Variants in PPARGC1A observed in about 807,000 individuals in gnomAD.
The protein encoded by PPARGC1A is peroxisome proliferator-activated receptor gamma coactivator 1-alpha.
A neutral mutation model predicts 88.7 loss-of-function variants in PPARGC1A; 25 were observed. That is an observed-to-expected ratio of 0.28 (90% CI 0.21 to 0.39). The LOEUF (loss-of-function observed/expected upper bound fraction) is 0.39. Among genes scored for constraint, PPARGC1A ranks in the 10% least tolerant of loss-of-function variants. The pLI is 1.00. For missense variants in PPARGC1A, 880 were observed against 968.7 expected (o/e 0.91, Z 1.22); for synonymous variants, 363 against 355.6 (o/e 1.02, Z -0.24).
At chr4:24,276,236 T>A in the PPARGC1A span, among the ~76,000 whole-genome samples, 1 of 152,152 alleles carries the variant, frequency 6.6e-6, no homozygotes, top group African/African-American at 2.4e-5. Context: ...TCTCTTGAGG[T>A]AGAAGCCATG....
the PPARGC1A span, among the ~76,000 whole-genome samples, chr4:24,064,517 G>A: frequency 6.6e-6 from 1 of 152,126 alleles, no homozygotes; most frequent in Non-Finnish European, 1.5e-5. Context: ...GCAGGAGCCT[G>A]GGTTGGGAGA....
chr4:24,325,436 C>T, the PPARGC1A span, among the ~76,000 whole-genome samples: 1 of 152,188 alleles, frequency 6.6e-6, no homozygotes, highest in African/African-American at 2.4e-5. Context: ...ACGCCTGAAC[C>T]GCAGGGGCCA....
the PPARGC1A span, among the ~76,000 whole-genome samples, chr4:24,249,270 C>CT: frequency 2.6e-4 from 39 of 150,200 alleles, no homozygotes; most frequent in Admixed American, 6.0e-4. Flanking sequence ...TGCACTCCTA[C>CT]TTTTTTTTTT....
At chr4:23,827,447 T>C (rs58838865) in intron 5 of PPARGC1A, among the ~76,000 whole-genome samples, 110 of 151,928 alleles carry the variant, frequency 7.2e-4, no homozygotes, top group African/African-American at 2.3e-3. Context: ...AAAAGAGGTA[T>C]ATGTTTATAA....
the PPARGC1A span, among the ~76,000 whole-genome samples, chr4:24,455,301 C>G: frequency 3.9e-5 from 6 of 152,072 alleles, no homozygotes; most frequent in Non-Finnish European, 8.8e-5. Context: ...GGCAACATAG[C>G]AAGACTCTGT....
the PPARGC1A span, among the ~76,000 whole-genome samples, chr4:24,139,484 C>T: frequency 6.6e-6 from 1 of 152,054 alleles, no homozygotes; most frequent in Non-Finnish European, 1.5e-5. Flanking sequence ...ATGTAAAATA[C>T]TCAGAATGTT....
At position 23,875,462 on chromosome 4, in the gene PPARGC1A, G is replaced by A. The variant is rs539498300; in HGVS notation, c.234+9290C>T. On this transcript the variant is annotated intron_variant, in intron 2 of 12. Coordinates refer to ENST00000264867, the MANE Select transcript of PPARGC1A (RefSeq NM_013261.5). The stretch of plus-strand genomic sequence containing the variant: ...TATCTCTTTCTACTTTTCCTGTTGG[G>A]CTAAAGTGAAGGTGTTGTCGGTCTG... 1.3e-4 allele frequency among the ~76,000 whole-genome samples: 20 copies of A among 151,624 alleles called. 1 individual carries two copies. The highest frequency in any genetic ancestry group is 4.8e-4 in the African/African-American group (20 of 41,276).
At chr4:24,261,958 T>C in the PPARGC1A span, among the ~76,000 whole-genome samples, 1 of 152,240 alleles carries the variant, frequency 6.6e-6, no homozygotes, top group Non-Finnish European at 1.5e-5. Context: ...AAAGATTTTA[T>C]ACAACATAAT....
the PPARGC1A span, among the ~76,000 whole-genome samples, chr4:24,254,133 C>T: frequency 6.6e-6 from 1 of 152,166 alleles, no homozygotes; most frequent in African/African-American, 2.4e-5. Flanking sequence ...AAACTTTTCC[C>T]TGGATTGCCT....
chr4:23,962,229 T>C, the PPARGC1A span, among the ~76,000 whole-genome samples: 2 of 151,986 alleles, frequency 1.3e-5, no homozygotes, highest in South Asian at 2.1e-4. Flanking sequence ...TCCACAACAA[T>C]TGTCAAATTC....
At chr4:23,827,445 T>C (rs1271885349) in intron 5 of PPARGC1A, among the ~76,000 whole-genome samples, 6 of 149,294 alleles carry the variant, frequency 4.0e-5, no homozygotes, top group East Asian at 2.0e-4. Flanking sequence ...AAAAAAGAGG[T>C]ATATGTTTAT....
chr4:24,210,409 C>T, the PPARGC1A span, among the ~76,000 whole-genome samples: 6 of 152,100 alleles, frequency 3.9e-5, no homozygotes, highest in South Asian at 4.1e-4. Context: ...GTAAAATAAA[C>T]GCATGTGGCT....
At chr4:24,091,422 G>A in the PPARGC1A span, 10 of 981,264 alleles carry the variant, frequency 1.0e-5, no homozygotes, top group Non-Finnish European at 1.2e-5. Context: ...AGCCAAAAGA[G>A]TTGAGAGAGA....
At chr4:24,432,015 C>T in the PPARGC1A span, among the ~76,000 whole-genome samples, 1 of 152,006 alleles carries the variant, frequency 6.6e-6, no homozygotes, top group African/African-American at 2.4e-5. Flanking sequence ...GTTATGGCTT[C>T]AGGGAAAATG....
chr4:24,160,680 A>G, the PPARGC1A span, among the ~76,000 whole-genome samples: 14 of 152,150 alleles, frequency 9.2e-5, no homozygotes, highest in Non-Finnish European at 1.0e-4. Flanking sequence ...TTCCTTATAT[A>G]TTGTCCCTTC....
chr4:23,890,776 CA>C (rs998561835), upstream of PPARGC1A, among the ~76,000 whole-genome samples: 7 of 152,218 alleles, frequency 4.6e-5, no homozygotes, highest in Non-Finnish European at 1.0e-4. Flanking sequence ...GAACAAGCCA[CA>C]AAACCCCATC....
At chr4:24,353,352 T>C in the PPARGC1A span, among the ~76,000 whole-genome samples, 2 of 150,634 alleles carry the variant, frequency 1.3e-5, no homozygotes, top group Non-Finnish European at 3.0e-5. Flanking sequence ...AGATGAGCCA[T>C]TTCATCTGGG....
the PPARGC1A span, among the ~76,000 whole-genome samples, chr4:24,152,939 A>T: frequency 1.3e-5 from 2 of 152,192 alleles, no homozygotes; most frequent in South Asian, 2.1e-4. Context: ...TCTGTTCAAG[A>T]CAGAAGACAT....
the PPARGC1A span, among the ~76,000 whole-genome samples, chr4:24,028,528 G>C: frequency 3.3e-5 from 5 of 152,234 alleles, no homozygotes; most frequent in South Asian, 4.1e-4. Context: ...ACTTGCTCAG[G>C]GTCCAGCCCA....
Sources: allele counts gnomAD v4.1 joint callset (sites outside exome capture counted in the v4.1 genomes callset), GRCh38; gene constraint gnomAD v4.1.1; transcripts MANE v1.5; gene names NCBI Gene and HGNC (gene_info 2026-07-23, HGNC 2026-07-21).